Variants in RUNX1 observed in about 807,000 individuals in gnomAD.
The protein encoded by RUNX1 is RUNX family transcription factor 1, also known as runt-related transcription factor 1.
A neutral mutation model predicts 42.8 loss-of-function variants in RUNX1; 19 were observed. The observed-to-expected ratio is 0.44, with a 90% CI of 0.31 to 0.65. The LOEUF is 0.65. Among genes scored for constraint, RUNX1 ranks in the 30% least tolerant of loss-of-function variants. The pLI, the probability that RUNX1 is intolerant of heterozygous loss-of-function variation, is 0.07. For missense variants in RUNX1, 528 were observed against 672.0 expected, an observed-to-expected ratio of 0.79 and a Z score of 2.37; for synonymous variants, 271 against 289.4, an observed-to-expected ratio of 0.94 and a Z score of 0.64.
At chr21:34,890,553 CG>C (rs541677066) in intron 3 of RUNX1, among the ~76,000 whole-genome samples, 92 of 152,238 alleles carry the variant, frequency 6.0e-4, no homozygotes, top group African/African-American at 2.2e-3. Flanking sequence ...CCCGGGCTTC[CG>C]GGGGGCTAAG....
At chr21:34,874,370 G>T (rs1339571024) in intron 5 of RUNX1, among the ~76,000 whole-genome samples, 1 of 150,858 alleles carries the variant, frequency 6.6e-6, no homozygotes, top group East Asian at 1.9e-4. Context: ...AGCACTTTGG[G>T]AGGCCAAGGC....
In RUNX1 at chr21:34,849,272, T is replaced by C. The variant is rs1325043653; in HGVS notation, c.613+10202A>G. 4.9e-4 allele frequency among the ~76,000 whole-genome samples: 33 copies of C among 67,050 alleles called. 3 individuals are homozygous for C. Among genetic ancestry groups the C allele is most frequent in the African/African-American group, 1.7e-3 (30 of 17,524 alleles). 44.0% of individuals were successfully genotyped at this position (67,050 alleles called of 152,430 possible). ...TGGGTACATATATATATATATAATA[T>C]ATATATAATATATATTATATATAAA... On this transcript the variant is annotated intron_variant, in intron 6 of 8. Transcript: ENST00000675419.
At chr21:34,818,698 A>G (rs1348679211) in intron 7 of RUNX1, among the ~76,000 whole-genome samples, 1 of 152,204 alleles carries the variant, frequency 6.6e-6, no homozygotes, top group Non-Finnish European at 1.5e-5. Context: ...AACACACACA[A>G]CATAAATCAG....
At chr21:35,017,375 G>A (rs1049539424) in intron 2 of RUNX1, among the ~76,000 whole-genome samples, 1 of 152,158 alleles carries the variant, frequency 6.6e-6, no homozygotes, top group African/African-American at 2.4e-5. Context: ...TGAACAAAGG[G>A]TGCCGAAAGG....
In RUNX1 at chr21:34,792,585, G is replaced by C; in HGVS notation, c.993C>G (p.Ser331Arg). The change falls in exon 9 of 9, where the codon AGC (serine) becomes AGG (arginine). Residue 331 changes from serine to arginine, a missense_variant. Ser to Arg is a moderately radical substitution (Grantham distance 110, BLOSUM62 -1). Around this residue, in one of 3 missense-constraint regions of RUNX1, gnomAD observed 331 missense variants for 382.5 expected, o/e 0.87. Transcript: ENST00000675419. The surrounding 1 kb of genome is among the most constrained non-coding windows in gnomAD (Gnocchi z 6.9). ...GCAGCGCGGGGAACTGGCGCGGGTCGCTGAACGCTGTCAGGTCGGGTGCCG... is the reference window on the plus strand; with the variant it reads ...GCAGCGCGGGGAACTGGCGCGGGTCCCTGAACGCTGTCAGGTCGGGTGCCG... ...LSTAPDLTAF[S>R]DPRQFPALPS... 6.3e-7 allele frequency: 1 copy of C among 1,599,734 alleles called. No individual in the cohort carries two copies. Among genetic ancestry groups the C allele is most frequent in the South Asian group, 1.1e-5 (1 of 88,720 alleles).
At chr21:35,007,236 A>G (rs1326816032) in intron 2 of RUNX1, among the ~76,000 whole-genome samples, 1 of 152,262 alleles carries the variant, frequency 6.6e-6, no homozygotes, top group Non-Finnish European at 1.5e-5. Context: ...TTGTGGCTAC[A>G]GAACGTTCAT....
At chr21:34,837,411 T>A (rs2057163431) in intron 6 of RUNX1, among the ~76,000 whole-genome samples, 1 of 152,188 alleles carries the variant, frequency 6.6e-6, no homozygotes, top group East Asian at 1.9e-4. Flanking sequence ...GTGGTTTGGA[T>A]GCACTTACAA....
chr21:34,989,904 C>T (rs2058923327), intron 2 of RUNX1, among the ~76,000 whole-genome samples: 1 of 152,144 alleles, frequency 6.6e-6, no homozygotes, highest in African/African-American at 2.4e-5. Flanking sequence ...TGGATTACCT[C>T]TTACGCTCCA....
chr21:34,991,729 A>G (rs186437435), intron 2 of RUNX1, among the ~76,000 whole-genome samples: 1 of 152,280 alleles, frequency 6.6e-6, no homozygotes, highest in African/African-American at 2.4e-5. Context: ...GTGTTCCCCA[A>G]AGTTCATGTC....
At chr21:34,996,582 G>C (rs2146855620) in intron 2 of RUNX1, among the ~76,000 whole-genome samples, 1 of 152,110 alleles carries the variant, frequency 6.6e-6, no homozygotes, top group East Asian at 1.9e-4. Context: ...AGAGTTCCTG[G>C]AACAGTGTCG....
intron 2 of RUNX1, among the ~76,000 whole-genome samples, chr21:35,012,325 G>C (rs937387514): frequency 6.6e-6 from 1 of 152,114 alleles, no homozygotes; most frequent in African/African-American, 2.4e-5. Context: ...AGGATTATGA[G>C]AGAAAAACAA....
chr21:34,968,918 A>G lies in RUNX1; in HGVS notation c.59-75955T>C, dbSNP rs141344594. On this transcript the variant is annotated intron_variant, in intron 2 of 8. Transcript: ENST00000675419. Reference sequence around the variant, plus strand: ...GTTCTACATGTAGCTAAAACAATTCAGTAACCCCGCCGGCAATTCTGCAAT... The same window carrying G: ...GTTCTACATGTAGCTAAAACAATTCGGTAACCCCGCCGGCAATTCTGCAAT... 3.4e-3 allele frequency among the ~76,000 whole-genome samples: 516 copies of G among 152,308 alleles called. 3 individuals are homozygous for G. Among genetic ancestry groups the G allele is most frequent in the African/African-American group, 0.012 (500 of 41,566 alleles).
At chr21:34,962,298 G>GTC (rs1461755279) in intron 2 of RUNX1, among the ~76,000 whole-genome samples, 2 of 152,174 alleles carry the variant, frequency 1.3e-5, no homozygotes, top group Non-Finnish European at 2.9e-5. Flanking sequence ...CATTTAGGAA[G>GTC]AAGAGGCTGT....
intron 2 of RUNX1, among the ~76,000 whole-genome samples, chr21:35,030,864 A>C (rs2059267873): frequency 6.6e-6 from 1 of 152,256 alleles, no homozygotes. Context: ...TAAAGAACTC[A>C]AACAACTCAA....
At chr21:34,936,243 G>C (rs1265456290) in intron 2 of RUNX1, among the ~76,000 whole-genome samples, 1 of 151,654 alleles carries the variant, frequency 6.6e-6, no homozygotes, top group Non-Finnish European at 1.5e-5. Context: ...ATATTCATTT[G>C]TGATAACTAC....
intron 2 of RUNX1, among the ~76,000 whole-genome samples, chr21:35,021,279 G>C (rs2059196118): frequency 6.6e-6 from 1 of 152,198 alleles, no homozygotes; most frequent in Non-Finnish European, 1.5e-5. Flanking sequence ...AGGATTACAT[G>C]AGTTATTATC....
At chr21:34,940,471 A>G (rs372173512) in intron 2 of RUNX1, among the ~76,000 whole-genome samples, 2 of 152,242 alleles carry the variant, frequency 1.3e-5, no homozygotes, top group East Asian at 3.8e-4. Context: ...GGTTTTTAAC[A>G]TCAGTTCTCT....
rs71319521 is a variant in RUNX1, at chr21:34,978,937, T to TATACACACACACAC, written c.58+69904_58+69905insGTGTGTGTGTGTAT. ...TTCTCAGACAAAACACACACACAGATACACACACACACACACACACACACA... is the reference window on the plus strand; with the variant it reads ...TTCTCAGACAAAACACACACACAGATATACACACACACACACACACACACACACACACACACACA... On this transcript the variant is annotated intron_variant, in intron 2 of 8. Transcript: ENST00000675419. Among the ~76,000 whole-genome samples the TATACACACACACAC allele has an allele frequency of 2.1e-4, 28 of 134,146 alleles. No homozygotes were observed. The East Asian group carries it at 2.4e-3, about 11-fold the overall frequency. 88.0% of individuals were successfully genotyped at this position (134,146 alleles called of 152,430 possible). A position where few individuals can be genotyped will look rare whatever the true frequency, so the allele number is the denominator to read the frequency against.
chr21:35,019,981 T>A (rs951560582), intron 2 of RUNX1, among the ~76,000 whole-genome samples: 3 of 152,156 alleles, frequency 2.0e-5, no homozygotes, highest in African/African-American at 7.2e-5. Context: ...AAGCAGATAA[T>A]GGGCTGTTTA....
Sources: gnomAD v4.1 joint callset for allele counts (sites outside exome capture counted in the v4.1 genomes callset) on GRCh38, gnomAD v4.1.1 for gene constraint, gnomAD v4.1.1 regional missense constraint, Gnocchi (gnomAD v3.1) non-coding constraint, MANE v1.5 for transcripts, NCBI Gene and HGNC (gene_info 2026-07-23, HGNC 2026-07-21) for gene names.